COL1A1: variants seen among roughly 807,000 people sequenced by gnomAD.
COL1A1 encodes collagen alpha-1(I) chain.
In COL1A1, 21 loss-of-function variants were observed where a neutral mutation model predicts 195.7. The ratio of observed to expected loss-of-function variants is 0.11; its 90% CI spans 0.08 to 0.15. The LOEUF (loss-of-function observed/expected upper bound fraction) is 0.15. Among genes scored for constraint, COL1A1 ranks in the 10% least tolerant of loss-of-function variants. The pLI is 1.00. For missense variants in COL1A1, 1,365 were observed against 2,051.0 expected (o/e 0.67, Z 6.46); for synonymous variants, 749 against 747.3 (o/e 1.00, Z -0.04).
chr17:50,201,158 G>T (rs2696258), intron 1 of COL1A1, among the ~76,000 whole-genome samples: 6 of 152,256 alleles, frequency 3.9e-5, no homozygotes, highest in Admixed American at 2.0e-4. Flanking sequence ...CCGGTTGCGC[G>T]CTCGGGATTC....
In COL1A1 at chr17:50,190,277, G is replaced by A; in HGVS notation, c.2451+50C>T. The A allele has an allele frequency of 7.1e-7, 1 of 1,410,064 alleles. No homozygotes were observed. The highest frequency in any genetic ancestry group is 1.0e-6 in the Non-Finnish European group (1 of 994,154). The allele number at this position is 1,410,064 out of a possible 1,614,324, so 87.3% of individuals were successfully genotyped here. On this transcript the variant is annotated intron_variant, in intron 35 of 50. Transcript: ENST00000225964. This position sits in a 1 kb window ranked among gnomAD's most constrained non-coding sequence, Gnocchi z 4.7. ...CTTTGTCCTCATTCCGTCCCTCGAG[G>A]TCCCAGGTCCCAGTCGGTGATGAAA...
Position 50,194,406 on chromosome 17 carries a change from G to A in COL1A1, c.1557C>T (p.Pro519=), listed in dbSNP as rs753993330. ...GACCAGCTTCACCAGGAGATCCTTT[G>A]GGGCCAGCAGGGCCAGGAGAACCAC... ...GERGSPGPAG[P]KGSPGEAGRP... Residue 519 remains proline (P), a synonymous_variant, in exon 23 of 51, where the codon CCC becomes CCT. Transcript: ENST00000225964. This position sits in a 1 kb window ranked among gnomAD's most constrained non-coding sequence, Gnocchi z 6.8. 4 of 1,614,030 alleles carry A rather than the reference G, an allele frequency of 2.5e-6. No individual in the cohort carries two copies. Among genetic ancestry groups the A allele is most frequent in the Admixed American group, 3.3e-5 (2 of 60,006 alleles).
In COL1A1 at chr17:50,184,989, C is replaced by T. The variant is rs1219073797; in HGVS notation, c.*513G>A. 1.3e-5 allele frequency: 3 copies of T among 231,060 alleles called. No individual in the cohort carries two copies. The highest frequency in any genetic ancestry group is 8.5e-6 in the Non-Finnish European group (1 of 117,090). 14.3% of individuals were successfully genotyped at this position (231,060 alleles called of 1,614,324 possible). ...TCCCCCAGGGCCTGGGGGTGCTGGG[C>T]GGGCAGGAGCGGGCTGAGGGTGGGG... On this transcript the variant is annotated 3_prime_UTR_variant, in exon 51 of 51. Transcript: ENST00000225964.
rs754234552 is a variant in COL1A1, at chr17:50,195,448, C to A, written c.1186G>T (p.Ala396Ser). Residue 396 changes from alanine to serine, a missense_variant, in exon 18 of 51, where the codon GCT (alanine) becomes TCT (serine). Ala to Ser is a moderately conservative substitution (Grantham distance 99). Around this residue, in one of 5 missense-constraint regions of COL1A1, gnomAD observed 226 missense variants for 372.9 expected, o/e 0.61. Transcript: ENST00000225964. This position sits in a 1 kb window ranked among gnomAD's most constrained non-coding sequence, Gnocchi z 4.3. ...AGGATACTTACATTGGCACCTTTAG[C>A]ACCAGGCTGTCCATCAGCACCAGGG... ...GNPGADGQPG[A>S]KGANGAPGIA... 1 of 1,614,008 alleles carries A rather than the reference C, an allele frequency of 6.2e-7. No individual in the cohort carries two copies. The highest frequency in any genetic ancestry group is 1.3e-5 in the African/African-American group (1 of 74,880).
At position 50,192,793 on chromosome 17, in the gene COL1A1, T is replaced by C; in HGVS notation, c.1875+4A>G. The C allele has an allele frequency of 6.2e-7, 1 of 1,614,000 alleles. No individual in the cohort carries two copies. Among genetic ancestry groups the C allele is most frequent in the Non-Finnish European group, 8.5e-7 (1 of 1,180,004 alleles). On this transcript the variant is annotated splice_donor_region_variant and intron_variant, in intron 27 of 50. Transcript: ENST00000225964. ...CCCCAGATCTCCCCATCAGGGACACTCACAGCAGGGCCAGGGGGTCCCTGA... is the reference window on the plus strand; with the variant it reads ...CCCCAGATCTCCCCATCAGGGACACCCACAGCAGGGCCAGGGGGTCCCTGA...
chr17:50,194,758 G>A lies in COL1A1; in HGVS notation c.1424C>T (p.Pro475Leu). 1 of 1,573,300 alleles carries A rather than the reference G, an allele frequency of 6.4e-7. No individual in the cohort carries two copies. Among genetic ancestry groups the A allele is most frequent in the South Asian group, 1.2e-5 (1 of 86,528 alleles). ...EEGKRGARGE[P>L]GPTGLPGPPG... ...GGGTCCGGGCAGGCCAGTGGGTCCG[G>A]GTTCACCTCGAGCTCCTCGCTTTCC... The change falls in exon 21 of 51, where the codon CCC (proline) becomes CTC (leucine). Residue 475 changes from proline (P) to leucine (L), a missense_variant. Physicochemically the swap from Pro to Leu is moderately conservative, Grantham distance 98. Coordinates refer to ENST00000225964, the MANE Select transcript of COL1A1 (RefSeq NM_000088.4). The surrounding 1 kb of genome is among the most constrained non-coding windows in gnomAD (Gnocchi z 6.8).
At position 50,184,297 on chromosome 17, in the gene COL1A1, G is replaced by C. The variant is rs551536386; in HGVS notation, c.*1205C>G. The stretch of plus-strand genomic sequence containing the variant: ...AGGACAGACTAGGAGGGAGCCGGGA[G>C]GATGGGCTGCAGCTGTGGAGGAGGG... On this transcript the variant is annotated 3_prime_UTR_variant, in exon 51 of 51. Coordinates refer to ENST00000225964, the MANE Select transcript of COL1A1 (RefSeq NM_000088.4). 2.5e-4 allele frequency: 59 copies of C among 231,744 alleles called. No homozygotes were observed. The East Asian group carries it at 3.2e-3, about 13-fold the overall frequency. The allele number at this position is 231,744 out of a possible 1,614,324, so 14.4% of individuals were successfully genotyped here.
At position 50,186,673 on chromosome 17, in the gene COL1A1, C is replaced by T; in HGVS notation, c.3781G>A (p.Asp1261Asn). The T allele has an allele frequency of 6.2e-7, 1 of 1,613,752 alleles. No individual in the cohort carries two copies. Among genetic ancestry groups the T allele is most frequent in the East Asian group, 2.2e-5 (1 of 44,864 alleles). Residue 1261 changes from aspartate to asparagine, a missense_variant, in exon 48 of 51, where the codon GAC becomes AAC. By Grantham distance (23) the Asp-to-Asn change is conservative (BLOSUM62 1). This residue lies in a region of COL1A1 where 273 missense variants were observed against 338.6 expected (regional missense o/e 0.81). Transcript: ENST00000225964. This position sits in a 1 kb window ranked among gnomAD's most constrained non-coding sequence, Gnocchi z 5.3. ...CAGTCAGAGTGGCACATCTTGAGGT[C>T]ACGGCAGGTGCGGGCGGGGTTCTTG... ...SRKNPARTCRDLKMCHSDWKS... is the reference protein window; with the variant it reads ...SRKNPARTCRNLKMCHSDWKS...
At position 50,185,894 on chromosome 17, in the gene COL1A1, C is replaced by T. The variant is rs750954783; in HGVS notation, c.4132G>A (p.Asp1378Asn). ...TTCTTGAGGTTGCCAGTCTGCTGGT[C>T]CATGTAGGCCACGCTGTTCTTGCAG... ...YHCKNSVAYM[D>N]QQTGNLKKAL... The change falls in exon 50 of 51, where the codon GAC becomes AAC. Residue 1378 changes from aspartate (D) to asparagine (N), a missense_variant. Physicochemically the swap from Asp to Asn is conservative, Grantham distance 23. This residue lies in a region of COL1A1 where 273 missense variants were observed against 338.6 expected (regional missense o/e 0.81). Transcript: ENST00000225964. The T allele has an allele frequency of 5.6e-6, 9 of 1,614,116 alleles. No homozygotes were observed. The highest frequency in any genetic ancestry group is 7.6e-6 in the Non-Finnish European group (9 of 1,180,022).
intron 29 of COL1A1, 71 bp downstream of exon 29, chr17:50,192,404 G>A: frequency 6.7e-7 from 1 of 1,497,712 alleles, no homozygotes; most frequent in South Asian, 1.2e-5. Flanking sequence ...TGTCTGATTA[G>A]CTAGGAGCGG....
rs1906792814 is a variant in COL1A1 at position 50,188,764 on chromosome 17, C to T, written c.3077G>A (p.Arg1026Gln). ...GAPGAEGSPG[R>Q]DGSPGAKGDR... ...TACCTTGGCGCCAGGAGAACCGTCT[C>T]GTCCAGGGGAACCTTCGGCACCAGG... Residue 1026 changes from arginine to glutamine, a missense_variant, in exon 42 of 51, where the codon CGA (arginine) becomes CAA (glutamine). Physicochemically the swap from Arg to Gln is conservative, Grantham distance 43. Around this residue, in one of 5 missense-constraint regions of COL1A1, gnomAD observed 671 missense variants for 1,099.9 expected, o/e 0.61. Transcript: ENST00000225964. This position sits in a 1 kb window ranked among gnomAD's most constrained non-coding sequence, Gnocchi z 5.6. The T allele has an allele frequency of 5.0e-6, 8 of 1,613,994 alleles. No homozygotes were observed. Among genetic ancestry groups the T allele is most frequent in the South Asian group, 3.3e-5 (3 of 91,072 alleles).
At chr17:50,197,837 G>A (rs1250138514) in intron 8 of COL1A1, 52 bp from the exon 9 acceptor site, 31 of 1,598,262 alleles carry the variant, frequency 1.9e-5, no homozygotes, top group Non-Finnish European at 2.7e-5. Context: ...AAAAGAAGGG[G>A]AAGGCTGGGA....
chr17:50,196,826 A>T (rs958683002), intron 11 of COL1A1, among the ~76,000 whole-genome samples, 156 bp from the exon 12 acceptor site: 1 of 152,044 alleles, frequency 6.6e-6, no homozygotes, highest in Non-Finnish European at 1.5e-5. Flanking sequence ...ATCTCACCCA[A>T]TCGTTTAATC....
Position 50,189,787 on chromosome 17 carries a change from C to A in COL1A1, c.2614-55G>T. 1 of 1,612,252 alleles carries A rather than the reference C, an allele frequency of 6.2e-7. No homozygotes were observed. ...AGGGAGAACAGCCAACTCATCCGAC[C>A]CAGCTGCCCTCACCTGCCACCGCTG... On this transcript the variant is annotated intron_variant, in intron 37 of 50. Transcript: ENST00000225964. The surrounding 1 kb of genome is among the most constrained non-coding windows in gnomAD (Gnocchi z 5.5).
Position 50,186,934 on chromosome 17 carries a change from G to A in COL1A1, c.3532-12C>T, listed in dbSNP as rs200458986. 44 of 1,613,532 alleles carry A rather than the reference G, an allele frequency of 2.7e-5. No individual in the cohort carries two copies. The Admixed American group carries it at 3.7e-4, about 13-fold the overall frequency. The stretch of plus-strand genomic sequence containing the variant: ...GGGCCGGGGGGACCCTGCACAGAGA[G>A]GGAAGAGAGTGGGGATTACCGGCAT... On this transcript the variant is annotated splice_polypyrimidine_tract_variant and intron_variant, in intron 47 of 50. Coordinates refer to ENST00000225964, the MANE Select transcript of COL1A1 (RefSeq NM_000088.4). The surrounding 1 kb of genome is among the most constrained non-coding windows in gnomAD (Gnocchi z 5.3).
At position 50,186,603 on chromosome 17, in the gene COL1A1, G is replaced by A. The variant is rs779153248; in HGVS notation, c.3814+37C>T. On this transcript the variant is annotated intron_variant, in intron 48 of 50. Coordinates refer to ENST00000225964, the MANE Select transcript of COL1A1 (RefSeq NM_000088.4). This position sits in a 1 kb window ranked among gnomAD's most constrained non-coding sequence, Gnocchi z 5.3. ...GGGCATGGGGACCCTGGCATGGCAG[G>A]AGTAGGAGGGAGGGAGAGGCTAGGG... 1 of 1,613,450 alleles carries A rather than the reference G, an allele frequency of 6.2e-7. No homozygotes were observed. The highest frequency in any genetic ancestry group is 8.5e-7 in the Non-Finnish European group (1 of 1,179,962).
chr17:50,189,939 C>G lies in COL1A1; in HGVS notation c.2560-27G>C, dbSNP rs764922385. ...TGTAGGAGAGCACAGAGGCATCAAG[C>G]CTGGACCCGTCCTGGGTCCCAGCCC... On this transcript the variant is annotated intron_variant, in intron 36 of 50. Transcript: ENST00000225964. The surrounding 1 kb of genome is among the most constrained non-coding windows in gnomAD (Gnocchi z 5.5). 6.2e-7 allele frequency: 1 copy of G among 1,611,650 alleles called. No homozygotes were observed. The highest frequency in any genetic ancestry group is 8.5e-7 in the Non-Finnish European group (1 of 1,178,930).
Position 50,186,160 on chromosome 17 carries a change from C to A in COL1A1, c.4006-140G>T, listed in dbSNP as rs1406214980. On this transcript the variant is annotated intron_variant, in intron 49 of 50. Transcript: ENST00000225964. The surrounding 1 kb of genome is among the most constrained non-coding windows in gnomAD (Gnocchi z 5.3). ...GGAGGCACCACCTGCCCATCGGCAG[C>A]CTGTGTCTGAACCACTATCAGGGAC... 2 of 1,514,876 alleles carry A rather than the reference C, an allele frequency of 1.3e-6. No homozygotes were observed. The highest frequency in any genetic ancestry group is 1.2e-5 in the South Asian group (1 of 86,772). 93.8% of individuals were successfully genotyped at this position (1,514,876 alleles called of 1,614,324 possible).
intron 25 of COL1A1, chr17:50,193,686 T>A: frequency 4.2e-6 from 2 of 475,784 alleles, no homozygotes; most frequent in Non-Finnish European, 7.8e-6. Flanking sequence ...TTTCACTATG[T>A]TGGCCCGACT....
Sources: allele counts gnomAD v4.1 joint callset (sites outside exome capture counted in the v4.1 genomes callset), GRCh38; gene constraint gnomAD v4.1.1; regional missense constraint gnomAD v4.1.1; non-coding constraint Gnocchi (gnomAD v3.1); transcripts MANE v1.5; gene names NCBI Gene and HGNC (gene_info 2026-07-23, HGNC 2026-07-21).